SETD1B: variants seen among roughly 807,000 people sequenced by gnomAD.
SETD1B encodes SET domain containing 1B, histone lysine methyltransferase.
A neutral mutation model predicts 148.0 loss-of-function variants in SETD1B; 7 were observed. That is an observed-to-expected ratio of 0.05 (90% confidence interval 0.03 to 0.09). The LOEUF (loss-of-function observed/expected upper bound fraction) is 0.09, where lower values mean the gene tolerates loss of function less well. SETD1B is among the 10% of genes least tolerant of loss of function. The pLI is 1.00. For synonymous variants in SETD1B, 1,361 were observed against 1,186.5 expected (o/e 1.15, Z -3.02); for missense variants, 2,155 against 2,729.9 (o/e 0.79, Z 4.69).
chr12:121,814,972 G>T (rs772287223), intron 7 of SETD1B, 42 bp downstream of exon 7: 7 of 1,488,138 alleles, frequency 4.7e-6, no homozygotes, highest in Non-Finnish European at 6.3e-6. Flanking sequence ...GGCTGTGGAG[G>T]GGGGCAGGTC....
the SETD1B span, among the ~76,000 whole-genome samples, chr12:121,795,080 G>A: frequency 4.6e-5 from 7 of 152,164 alleles, no homozygotes; most frequent in African/African-American, 7.2e-5. Flanking sequence ...CACAGTGCAA[G>A]CAAGGCACGG....
intron 6 of SETD1B, among the ~76,000 whole-genome samples, chr12:121,811,378 T>C (rs931115484): frequency 1.3e-4 from 19 of 148,530 alleles, no homozygotes; most frequent in Admixed American, 1.2e-3. Flanking sequence ...ACAGGGAGGG[T>C]GCTGGTTTCC....
chr12:121,805,473 T>A lies in SETD1B; in HGVS notation c.273+257T>A, dbSNP rs1875690291. 1.3e-5 allele frequency among the ~76,000 whole-genome samples: 2 copies of A among 151,974 alleles called. No individual in the cohort carries two copies. The highest frequency in any genetic ancestry group is 4.2e-4 in the South Asian group (2 of 4,818). ...CCCGCGGGGGGCTCGGCTCCGAGAC[T>A]CTCCCCTCTCGCTAGCCCACTACAG... On this transcript the variant is annotated intron_variant, in intron 3 of 16. Coordinates refer to ENST00000604567, the MANE Select transcript of SETD1B (RefSeq NM_001353345.2). The surrounding 1 kb of genome is among the most constrained non-coding windows in gnomAD (Gnocchi z 4.2).
Position 121,819,837 on chromosome 12 carries a change from A to G in SETD1B, c.3852A>G (p.Pro1284=), listed in dbSNP as rs1460306848. Residue 1284 remains proline, a synonymous_variant, in exon 11 of 17, where the codon CCA becomes CCG. Coordinates refer to ENST00000604567, the MANE Select transcript of SETD1B (RefSeq NM_001353345.2). ...AGGAAGGGGCCATGTTGCTGTCTCC[A>G]GAGCCCCCTGCCAAGGAGGTGGAGG... ...LSQEGAMLLS[P]EPPAKEVEAR... is the part of the protein sequence containing the mutation. 5 of 1,551,472 alleles carry G rather than the reference A, an allele frequency of 3.2e-6. No homozygotes were observed. In the East Asian group the frequency reaches 9.8e-5, roughly 30 times the overall value.
Position 121,823,337 on chromosome 12 carries a change from T to TGGGCCCC in SETD1B, c.4758_4759insGGGCCCC (p.Pro1587GlyfsTer23). ...GGATCCCAGCCCCTCCACCACCCCT[T>TGGGCCCC]CCCCCCCAGCCACCCCCACCCCCAC... On this transcript the variant is annotated frameshift_variant, in exon 12 of 17. Transcript: ENST00000604567. LOFTEE classifies it high-confidence loss of function. 1.2e-6 allele frequency: 1 copy of TGGGCCCC among 809,476 alleles called. No homozygotes were observed. Among genetic ancestry groups the TGGGCCCC allele is most frequent in the Non-Finnish European group, 1.8e-6 (1 of 560,550 alleles). 50.1% of individuals were successfully genotyped at this position (809,476 alleles called of 1,614,324 possible).
intron 6 of SETD1B, 55 bp from the exon 7 acceptor site, chr12:121,814,051 A>C: frequency 2.1e-6 from 3 of 1,421,738 alleles, no homozygotes; most frequent in South Asian, 2.6e-5. Flanking sequence ...GGGGACTCCG[A>C]GAGCCCCTTG....
At chr12:121,820,577 A>G (rs867296637) in intron 11 of SETD1B, among the ~76,000 whole-genome samples, 1 of 152,280 alleles carries the variant, frequency 6.6e-6, no homozygotes, top group African/African-American at 2.4e-5. Flanking sequence ...TCTGTCACCC[A>G]GGCTGGAGTG....
Position 121,825,292 on chromosome 12 carries a change from A to G in SETD1B, c.5263A>G (p.Ile1755Val). Residue 1755 changes from isoleucine (I) to valine (V), a missense_variant, in exon 13 of 17, where the codon ATC becomes GTC. Transcript: ENST00000604567. ...GCARSEGFYT[I>V]DKKDKLRYLN... is the part of the protein sequence containing the mutation. ...TGCCCGCAGTGAGGGCTTCTACACC[A>G]TCGACAAGAAGGACAAGCTCAGATA... 1 of 1,551,874 alleles carries G rather than the reference A, an allele frequency of 6.4e-7. No individual in the cohort carries two copies. Among genetic ancestry groups the G allele is most frequent in the Non-Finnish European group, 8.7e-7 (1 of 1,147,066 alleles).
Position 121,804,836 on chromosome 12 carries a change from G to A in SETD1B, c.99G>A (p.Lys33=). ...ERRNHHWRSY[K]LMIDPALKKG... ...GGAACCACCATTGGAGAAGTTACAA[G>A]TTGATGATTGACCCGGCTCTGAAAA... is the stretch of plus-strand genomic sequence containing the variant. The change falls in exon 2 of 17, where the codon AAG becomes AAA. Residue 33 remains lysine, a synonymous_variant. Coordinates refer to ENST00000604567, the MANE Select transcript of SETD1B (RefSeq NM_001353345.2). This position sits in a 1 kb window ranked among gnomAD's most constrained non-coding sequence, Gnocchi z 4.6. The A allele has an allele frequency of 6.4e-7, 1 of 1,550,926 alleles. No individual in the cohort carries two copies. Among genetic ancestry groups the A allele is most frequent in the Non-Finnish European group, 8.7e-7 (1 of 1,146,772 alleles).
At position 121,831,469 on chromosome 12, in the gene SETD1B, G is replaced by A. The variant is rs1274233948; in HGVS notation, c.*1230G>A. On this transcript the variant is annotated 3_prime_UTR_variant, in exon 17 of 17. Transcript: ENST00000604567. ...CCCATGGCTTTTTTTTTTCTTGTGC[G>A]TGTATAAAATCAAAAGGAAGGGGAA... 2.0e-5 allele frequency: 3 copies of A among 149,686 alleles called. No individual in the cohort carries two copies. The highest frequency in any genetic ancestry group is 4.9e-5 in the African/African-American group (2 of 40,470). The allele number at this position is 149,686 out of a possible 1,614,324, so 9.3% of individuals were successfully genotyped here. A position where few individuals can be genotyped will look rare whatever the true frequency, so the allele number is the denominator to read the frequency against.
rs931315338 is a variant in SETD1B, at chr12:121,830,361, C to A, written c.*122C>A. 2 of 998,662 alleles carry A rather than the reference C, an allele frequency of 2.0e-6. No individual in the cohort carries two copies. Among genetic ancestry groups the A allele is most frequent in the African/African-American group, 1.6e-5 (1 of 60,958 alleles). 61.9% of individuals were successfully genotyped at this position (998,662 alleles called of 1,614,324 possible). ...ATTTCAGGTGCTGTCCTCTACCCAGCGGCCATTCAGGGCCTGGCGCCCCAC... is the reference window on the plus strand; with the variant it reads ...ATTTCAGGTGCTGTCCTCTACCCAGAGGCCATTCAGGGCCTGGCGCCCCAC... On this transcript the variant is annotated 3_prime_UTR_variant, in exon 17 of 17. Transcript: ENST00000604567. This position sits in a 1 kb window ranked among gnomAD's most constrained non-coding sequence, Gnocchi z 5.7.
chr12:121,801,610 T>G (rs1436758894), upstream of SETD1B: 1 of 152,692 alleles, frequency 6.5e-6, no homozygotes, highest in Admixed American at 6.5e-5. Context: ...AAGATCAAGC[T>G]GGGCGGTGGT....
Position 121,817,964 on chromosome 12 carries a change from G to GC in SETD1B, c.3418+62dup. 1 of 1,447,026 alleles carries GC rather than the reference G, an allele frequency of 6.9e-7. No individual in the cohort carries two copies. The highest frequency in any genetic ancestry group is 9.2e-7 in the Non-Finnish European group (1 of 1,088,162). 89.6% of individuals were successfully genotyped at this position (1,447,026 alleles called of 1,614,324 possible). A position where few individuals can be genotyped will look rare whatever the true frequency, so the allele number is the denominator to read the frequency against. On this transcript the variant is annotated intron_variant, in intron 10 of 16. Coordinates refer to ENST00000604567, the MANE Select transcript of SETD1B (RefSeq NM_001353345.2). This position sits in a 1 kb window ranked among gnomAD's most constrained non-coding sequence, Gnocchi z 8.1. The stretch of plus-strand genomic sequence containing the variant: ...GGAGTCCCTCTTTCCCCGGGGCAGA[G>GC]CCTGAGCAATTGTCAGAAATACTTC...
intron 11 of SETD1B, among the ~76,000 whole-genome samples, chr12:121,821,027 GTA>G (rs1228694635): frequency 2.0e-5 from 3 of 152,238 alleles, no homozygotes; most frequent in Non-Finnish European, 4.4e-5. Flanking sequence ...CAAGCTTTGA[GTA>G]TGTGCAGATT....
Position 121,815,791 on chromosome 12 carries a change from G to A in SETD1B, c.2715+861G>A, listed in dbSNP as rs1012777452. 4.0e-5 allele frequency among the ~76,000 whole-genome samples: 6 copies of A among 150,296 alleles called. No homozygotes were observed. In the South Asian group the frequency reaches 8.5e-4, roughly 21 times the overall value. On this transcript the variant is annotated intron_variant, in intron 7 of 16. Coordinates refer to ENST00000604567, the MANE Select transcript of SETD1B (RefSeq NM_001353345.2). ...GCTGGGATTATATGCGTCAGCCACC[G>A]CTCCTGGCCTACTTACTATTTTCTT...
intron 6 of SETD1B, among the ~76,000 whole-genome samples, chr12:121,811,459 A>G (rs971306047): frequency 6.6e-6 from 1 of 152,026 alleles, no homozygotes; most frequent in South Asian, 2.1e-4. Flanking sequence ...GGTGCCATGT[A>G]GCCAGAAAAA....
upstream of SETD1B, chr12:121,799,717 T>TGGGGGGGGGGGGGGGGGGGGGGG (rs1456064145): frequency 1.0e-4 from 2 of 19,136 alleles, no homozygotes; most frequent in Non-Finnish European, 1.1e-4. Context: ...CGCTCGCAGC[T>TGGGGGGGGGGGGGGGGGGGGGGG]GGGGGGGGGG....
chr12:121,793,745 C>G, the SETD1B span: 1 of 990,802 alleles, frequency 1.0e-6, no homozygotes, highest in Non-Finnish European at 1.4e-6. Flanking sequence ...GCGCCGCCTC[C>G]GCCAGGCAGC....
rs1451411447 is a variant in SETD1B, at chr12:121,804,701, GACA to G, written c.-14-17_-14-15del. ...CCGCCGCCGCCGCCGCGGCGGAGACGACAACAACTTGCTGGTTTTCAGGTTGGG... is the reference window on the plus strand; with the variant it reads ...CCGCCGCCGCCGCCGCGGCGGAGACGACAACTTGCTGGTTTTCAGGTTGGG... On this transcript the variant is annotated intron_variant, in intron 1 of 16. Transcript: ENST00000604567. The surrounding 1 kb of genome is among the most constrained non-coding windows in gnomAD (Gnocchi z 4.6). The G allele has an allele frequency of 9.1e-6, 14 of 1,543,326 alleles. No homozygotes were observed. The highest frequency in any genetic ancestry group is 4.9e-5 in the East Asian group (2 of 40,740).
Sources: allele counts gnomAD v4.1 joint callset (sites outside exome capture counted in the v4.1 genomes callset), GRCh38; gene constraint gnomAD v4.1.1; non-coding constraint Gnocchi (gnomAD v3.1); transcripts MANE v1.5; gene names NCBI Gene and HGNC (gene_info 2026-07-23, HGNC 2026-07-21).